AGAP1: variants seen among roughly 807,000 people sequenced by gnomAD.
AGAP1 encodes ArfGAP with GTPase domain, ankyrin repeat and PH domain 1.
Under a neutral mutation model 105.3 loss-of-function variants are expected in AGAP1, and 29 were observed. That is an observed-to-expected ratio of 0.28 (90% CI 0.21 to 0.38). AGAP1 has a LOEUF of 0.38. Among genes scored for constraint, AGAP1 ranks in the 10% least tolerant of loss-of-function variants. AGAP1 has a pLI of 1.00. For synonymous variants in AGAP1, 509 were observed against 485.9 expected (o/e 1.05, Z -0.63); for missense variants, 998 against 1,165.1 (o/e 0.86, Z 2.09).
chr2:236,004,634 T>C (rs1394511156), intron 13 of AGAP1, among the ~76,000 whole-genome samples: 2 of 152,228 alleles, frequency 1.3e-5, no homozygotes, highest in African/African-American at 4.8e-5. Context: ...TGGTAAATTA[T>C]TGCCTCCAAA....
intron 6 of AGAP1, among the ~76,000 whole-genome samples, chr2:235,786,190 G>A (rs553472987): frequency 2.2e-4 from 34 of 152,294 alleles, no homozygotes; most frequent in African/African-American, 7.5e-4. Flanking sequence ...ATATTCACTT[G>A]CCTCGTCTTG....
intron 6 of AGAP1, among the ~76,000 whole-genome samples, chr2:235,756,778 G>A (rs886973772): frequency 1.1e-4 from 16 of 152,154 alleles, no homozygotes; most frequent in Non-Finnish European, 1.8e-4. Flanking sequence ...CTGTGCATGC[G>A]TGAGATCTAG....
intron 6 of AGAP1, among the ~76,000 whole-genome samples, chr2:235,772,580 TAGTC>T (rs918062525): frequency 1.4e-4 from 21 of 152,234 alleles, no homozygotes; most frequent in African/African-American, 4.8e-4. Context: ...GCATCTCACT[TAGTC>T]AGTTGACCCA....
At chr2:235,540,148 CTTTT>C (rs535395155) in intron 1 of AGAP1, among the ~76,000 whole-genome samples, 3 of 129,106 alleles carry the variant, frequency 2.3e-5, no homozygotes, top group African/African-American at 5.9e-5. Context: ...CCTCTCTCCT[CTTTT>C]TTTTTTTTTT....
chr2:235,727,389 A>G (rs934857377), intron 3 of AGAP1, among the ~76,000 whole-genome samples: 1 of 152,080 alleles, frequency 6.6e-6, no homozygotes, highest in Admixed American at 6.5e-5. Context: ...TAATTCACAG[A>G]TCACGTTACA....
At chr2:235,815,085 C>T (rs1958374357) in intron 9 of AGAP1, among the ~76,000 whole-genome samples, 1 of 152,124 alleles carries the variant, frequency 6.6e-6, no homozygotes, top group Admixed American at 6.5e-5. Context: ...CACTGCTGTC[C>T]CCCTTACCTA....
chr2:235,769,155 C>G lies in AGAP1; in HGVS notation c.673+18667C>G, dbSNP rs868180421. On this transcript the variant is annotated intron_variant, in intron 6 of 17. Coordinates refer to ENST00000304032, the MANE Select transcript of AGAP1 (RefSeq NM_001037131.3). The surrounding 1 kb of genome is among the most constrained non-coding windows in gnomAD (Gnocchi z 4.4). ...CTTCTGGGTTCTTAGTGCCCGTCCC[C>G]CGTAGCTCCGTCACACAGTCCTGTT... Among the ~76,000 whole-genome samples, 1 of 152,126 alleles carries G rather than the reference C, an allele frequency of 6.6e-6. No homozygotes were observed. Among genetic ancestry groups the G allele is most frequent in the Admixed American group, 6.5e-5 (1 of 15,274 alleles).
intron 1 of AGAP1, among the ~76,000 whole-genome samples, chr2:235,560,426 G>A (rs1259476821): frequency 6.6e-6 from 1 of 151,902 alleles, no homozygotes; most frequent in Non-Finnish European, 1.5e-5. Flanking sequence ...CGAGATGCCT[G>A]TCCCCTAATC....
chr2:235,979,705 T>C lies in AGAP1; in HGVS notation c.1645+11082T>C, dbSNP rs1373972601. 6.6e-6 allele frequency among the ~76,000 whole-genome samples: 1 copy of C among 152,198 alleles called. No homozygotes were observed. Among genetic ancestry groups the C allele is most frequent in the Non-Finnish European group, 1.5e-5 (1 of 68,038 alleles). On this transcript the variant is annotated intron_variant, in intron 13 of 17. Transcript: ENST00000304032. This position sits in a 1 kb window ranked among gnomAD's most constrained non-coding sequence, Gnocchi z 4.5. ...AATTGGCCATTTGTCTGTGGGGTAATGGGCTTTGCTGCAATATGAAAATCT... is the reference window on the plus strand; with the variant it reads ...AATTGGCCATTTGTCTGTGGGGTAACGGGCTTTGCTGCAATATGAAAATCT...
intron 13 of AGAP1, among the ~76,000 whole-genome samples, chr2:236,024,876 G>T (rs186775030): frequency 6.6e-6 from 1 of 152,324 alleles, no homozygotes; most frequent in East Asian, 1.9e-4. Flanking sequence ...CTATTATAGT[G>T]GACCTTTCCA....
At chr2:236,043,277 A>G (rs752178715) in intron 15 of AGAP1, among the ~76,000 whole-genome samples, 1 of 152,198 alleles carries the variant, frequency 6.6e-6, no homozygotes, top group African/African-American at 2.4e-5. Flanking sequence ...AACTAAACCA[A>G]TGGGATTGAG....
rs1398876921 is a variant in AGAP1 at position 235,788,359 on chromosome 2, A to G, written c.674-9400A>G. On this transcript the variant is annotated intron_variant, in intron 6 of 17. Transcript: ENST00000304032. This position sits in a 1 kb window ranked among gnomAD's most constrained non-coding sequence, Gnocchi z 6.0. ...ATTCAGGAAAGTCCACCAAAAGGAT[A>G]AACAGCTAGGAGCCCACTAGTAAGC... Among the ~76,000 whole-genome samples, 1 of 152,174 alleles carries G rather than the reference A, an allele frequency of 6.6e-6. No homozygotes were observed.
At position 236,083,245 on chromosome 2, in the gene AGAP1, T is replaced by C. The variant is rs145812756; in HGVS notation, c.2114+33964T>C. On this transcript the variant is annotated intron_variant, in intron 16 of 17. Transcript: ENST00000304032. This position sits in a 1 kb window ranked among gnomAD's most constrained non-coding sequence, Gnocchi z 5.3. ...AGGGCTGTTGTCAGTCGCCGAGGCT[T>C]CGGTCTCAGGTTTTTCAGGTCAGTG... 1.3e-4 allele frequency among the ~76,000 whole-genome samples: 20 copies of C among 152,312 alleles called. No individual in the cohort carries two copies. The East Asian group carries it at 3.9e-3, about 29-fold the overall frequency.
At position 236,116,570 on chromosome 2, in the gene AGAP1, A is replaced by G. The variant is rs976565646; in HGVS notation, c.2115-3622A>G. 3.9e-5 allele frequency among the ~76,000 whole-genome samples: 6 copies of G among 152,128 alleles called. No homozygotes were observed. The East Asian group carries it at 1.2e-3, about 29-fold the overall frequency. On this transcript the variant is annotated intron_variant, in intron 16 of 17. Transcript: ENST00000304032. ...CACCATGTTGGCCAGGCTGGTCTCA[A>G]ACTCCTGACCTCAAGAGAACCACCC...
intron 16 of AGAP1, among the ~76,000 whole-genome samples, chr2:236,112,827 C>T (rs1022834964): frequency 3.3e-5 from 5 of 152,228 alleles, no homozygotes; most frequent in Non-Finnish European, 5.9e-5. Context: ...GGTTGCTGGC[C>T]GGCCACCTTA....
rs201136014 is a variant in AGAP1 at position 235,718,770 on chromosome 2, G to A, written c.310+1126G>A. On this transcript the variant is annotated intron_variant, in intron 3 of 17. Transcript: ENST00000304032. ...CTTCCATACTGAAATGATGATCTAGGAAGATTAGAGGTGATAATGAAGGCT... is the reference window on the plus strand; with the variant it reads ...CTTCCATACTGAAATGATGATCTAGAAAGATTAGAGGTGATAATGAAGGCT... 2.0e-5 allele frequency among the ~76,000 whole-genome samples: 3 copies of A among 152,304 alleles called. No homozygotes were observed. In the East Asian group the frequency reaches 5.8e-4, roughly 29 times the overall value.
In AGAP1 at chr2:236,001,196, G is replaced by A. The variant is rs747953501; in HGVS notation, c.1645+32573G>A. Among the ~76,000 whole-genome samples the A allele has an allele frequency of 2.0e-5, 3 of 152,126 alleles. No individual in the cohort carries two copies. The highest frequency in any genetic ancestry group is 6.5e-5 in the Admixed American group (1 of 15,280). On this transcript the variant is annotated intron_variant, in intron 13 of 17. Coordinates refer to ENST00000304032, the MANE Select transcript of AGAP1 (RefSeq NM_001037131.3). This position sits in a 1 kb window ranked among gnomAD's most constrained non-coding sequence, Gnocchi z 4.7. ...TGGGGCAGAGAATGCTGAGATAAAC[G>A]CCACCATCAGAAACCAAGAGAAAGG...
At chr2:235,543,392 TG>T (rs1943517713) in intron 1 of AGAP1, among the ~76,000 whole-genome samples, 1 of 152,184 alleles carries the variant, frequency 6.6e-6, no homozygotes, top group Admixed American at 6.5e-5. Context: ...AATCAGAGCC[TG>T]GAATTCTGGC....
At chr2:235,512,696 A>G (rs1276851175) in intron 1 of AGAP1, among the ~76,000 whole-genome samples, 1 of 152,092 alleles carries the variant, frequency 6.6e-6, no homozygotes, top group Non-Finnish European at 1.5e-5. Context: ...CAGCTGGGCA[A>G]AGGCATCTGA....
Sources: allele counts gnomAD v4.1 joint callset (sites outside exome capture counted in the v4.1 genomes callset), GRCh38; gene constraint gnomAD v4.1.1; non-coding constraint Gnocchi (gnomAD v3.1); transcripts MANE v1.5; gene names NCBI Gene and HGNC (gene_info 2026-07-23, HGNC 2026-07-21).